The following BAZ2B variants were observed in gnomAD, a reference collection of about 807,000 sequenced individuals.
The protein encoded by BAZ2B is bromodomain adjacent to zinc finger domain 2B, also known as bromodomain adjacent to zinc finger domain protein 2B.
Under a neutral mutation model 246.0 loss-of-function variants are expected in BAZ2B, and 91 were observed. The observed-to-expected ratio is 0.37, with a 90% CI of 0.31 to 0.44. BAZ2B has a LOEUF of 0.44. Among genes scored for constraint, BAZ2B ranks in the 20% least tolerant of loss-of-function variants. The pLI, the probability that BAZ2B is intolerant of heterozygous loss-of-function variation, is 1.00. For synonymous variants in BAZ2B, 855 were observed against 860.0 expected, an observed-to-expected ratio of 0.99 and a Z score of 0.10; for missense variants, 2,332 against 2,533.7, an observed-to-expected ratio of 0.92 and a Z score of 1.71.
the BAZ2B span, chr2:159,689,423 G>A: frequency 4.1e-6 from 1 of 245,586 alleles, no homozygotes; most frequent in Non-Finnish European, 7.6e-6. Context: ...CCAGGCTAGA[G>A]TGCAGTGGCA....
chr2:159,395,669 A>G, intron 20 of BAZ2B, 100 bp downstream of exon 20: 1 of 1,106,532 alleles, frequency 9.0e-7, no homozygotes, highest in South Asian at 1.8e-5. Flanking sequence ...AGTAAATCAC[A>G]ACAAACCTAT....
At chr2:159,368,803 T>A (rs1230703968) in intron 27 of BAZ2B, among the ~76,000 whole-genome samples, 1 of 145,256 alleles carries the variant, frequency 6.9e-6, no homozygotes, top group Non-Finnish European at 1.5e-5. Flanking sequence ...TAGAAGAGCC[T>A]GGATGGAAAT....
chr2:159,508,891 C>G (rs971073222), intron 2 of BAZ2B, among the ~76,000 whole-genome samples: 5 of 152,060 alleles, frequency 3.3e-5, no homozygotes, highest in Non-Finnish European at 7.4e-5. Context: ...TTATATATCC[C>G]TCTTAGGGAA....
intron 1 of BAZ2B, among the ~76,000 whole-genome samples, chr2:159,569,332 C>T (rs1316515258): frequency 6.6e-6 from 1 of 152,086 alleles, no homozygotes; most frequent in Non-Finnish European, 1.5e-5. Context: ...GTTTGGGGAG[C>T]AATTCAAAGA....
In BAZ2B at chr2:159,325,721, T is replaced by C; in HGVS notation, c.6141A>G (p.Ser2047=). The C allele has an allele frequency of 6.3e-7, 1 of 1,596,570 alleles. No homozygotes were observed. The highest frequency in any genetic ancestry group is 8.5e-7 in the Non-Finnish European group (1 of 1,176,124). The part of the protein sequence containing the change: ...KMEENTSINL[S]KQESFTSVKK... ...TAACTGAAGTAAAACTTTCTTGTTT[T>C]GACAAGTTAATAGAAGTGTTTTCCT... The change falls in exon 35 of 37, where the codon TCA becomes TCG. Residue 2047 remains serine (S), a synonymous_variant. Transcript: ENST00000392783.
chr2:159,675,069 G>T, the BAZ2B span, among the ~76,000 whole-genome samples: 1 of 152,042 alleles, frequency 6.6e-6, no homozygotes, highest in Non-Finnish European at 1.5e-5. Context: ...TACGGAACTG[G>T]GGAGGACAAG....
chr2:159,587,971 G>A (rs1445637956), intron 1 of BAZ2B, among the ~76,000 whole-genome samples: 2 of 151,822 alleles, frequency 1.3e-5, no homozygotes, highest in African/African-American at 2.4e-5. Context: ...TGAGCGTACC[G>A]CTTGAGCCCT....
At chr2:159,525,601 T>C (rs2084649020) in intron 2 of BAZ2B, among the ~76,000 whole-genome samples, 2 of 152,170 alleles carry the variant, frequency 1.3e-5, no homozygotes, top group Non-Finnish European at 2.9e-5. Flanking sequence ...TATCTCATTA[T>C]ATATATGGAA....
At chr2:159,432,011 G>A (rs1264476400) in intron 9 of BAZ2B, among the ~76,000 whole-genome samples, 1 of 152,086 alleles carries the variant, frequency 6.6e-6, no homozygotes, top group African/African-American at 2.4e-5. Context: ...TTTACCCTGA[G>A]CACGAAGTTT....
At chr2:159,609,453 A>G (rs1245169404) in intron 1 of BAZ2B, among the ~76,000 whole-genome samples, 1 of 152,214 alleles carries the variant, frequency 6.6e-6, no homozygotes, top group Admixed American at 6.5e-5. Context: ...TTTTAGACTA[A>G]TTAATCACAA....
intron 1 of BAZ2B, among the ~76,000 whole-genome samples, chr2:159,582,318 T>A (rs1425617878): frequency 6.6e-6 from 1 of 152,254 alleles, no homozygotes; most frequent in African/African-American, 2.4e-5. Flanking sequence ...ATTTACTTTA[T>A]GAATGGACAG....
At chr2:159,621,203 A>T (rs1319439091), upstream of BAZ2B, among the ~76,000 whole-genome samples, 4 of 152,222 alleles carry the variant, frequency 2.6e-5, no homozygotes, top group African/African-American at 7.2e-5. Context: ...GGCCTCTTTT[A>T]AAAATGGGAT....
chr2:159,482,953 C>G (rs559190920), intron 2 of BAZ2B, among the ~76,000 whole-genome samples: 1 of 152,118 alleles, frequency 6.6e-6, no homozygotes, highest in South Asian at 2.1e-4. Flanking sequence ...CATCTGACAC[C>G]TACGCTCCTA....
Position 159,319,674 on chromosome 2 carries a change from A to G in BAZ2B, c.*591T>C, listed in dbSNP as rs2062479408. 1 of 152,622 alleles carries G rather than the reference A, an allele frequency of 6.6e-6. No homozygotes were observed. The highest frequency in any genetic ancestry group is 6.5e-5 in the Admixed American group (1 of 15,278). 9.5% of individuals were successfully genotyped at this position (152,622 alleles called of 1,614,324 possible). A position where few individuals can be genotyped will look rare whatever the true frequency, so the allele number is the denominator to read the frequency against. Reference sequence around the variant, plus strand: ...TAAATGTACTTGTAACTCTACAGTAAAGTTTCTTTTTGGTGCTTTTATAGC... The same window carrying G: ...TAAATGTACTTGTAACTCTACAGTAGAGTTTCTTTTTGGTGCTTTTATAGC... On this transcript the variant is annotated 3_prime_UTR_variant, in exon 37 of 37. Coordinates refer to ENST00000392783, the MANE Select transcript of BAZ2B (RefSeq NM_013450.4). The surrounding 1 kb of genome is among the most constrained non-coding windows in gnomAD (Gnocchi z 4.0).
chr2:159,370,864 C>G (rs546309927), intron 27 of BAZ2B, among the ~76,000 whole-genome samples: 1 of 151,908 alleles, frequency 6.6e-6, no homozygotes, highest in African/African-American at 2.4e-5. Context: ...TGCAATGGCA[C>G]GATCTCGGCT....
chr2:159,424,642 T>C (rs1203371703), intron 13 of BAZ2B, among the ~76,000 whole-genome samples: 1 of 152,180 alleles, frequency 6.6e-6, no homozygotes, highest in African/African-American at 2.4e-5. Context: ...AATGTTTTAA[T>C]AGGAGAGTGA....
intron 34 of BAZ2B, among the ~76,000 whole-genome samples, chr2:159,330,436 A>T (rs969325734): frequency 6.6e-6 from 1 of 152,252 alleles, no homozygotes; most frequent in Non-Finnish European, 1.5e-5. Flanking sequence ...GAGAGCGTTC[A>T]GTTCTATCAA....
intron 6 of BAZ2B, among the ~76,000 whole-genome samples, chr2:159,441,038 A>C (rs188115475): frequency 1.5e-3 from 222 of 152,300 alleles, no homozygotes; most frequent in African/African-American, 5.0e-3. Context: ...TAATATTAAG[A>C]CTACCATTTA....
intron 2 of BAZ2B, among the ~76,000 whole-genome samples, chr2:159,489,079 T>C (rs72965169): frequency 0.27 from 40,796 of 152,110 alleles, 6,923 homozygotes; most frequent in Non-Finnish European, 0.38. Context: ...CATTTACGCT[T>C]TTCCCCTAAT....
Sources: allele counts gnomAD v4.1 joint callset (sites outside exome capture counted in the v4.1 genomes callset), GRCh38; gene constraint gnomAD v4.1.1; non-coding constraint Gnocchi (gnomAD v3.1); transcripts MANE v1.5; gene names NCBI Gene and HGNC (gene_info 2026-07-23, HGNC 2026-07-21).